COL3A1: variants seen among roughly 807,000 people sequenced by gnomAD.
COL3A1 encodes the protein collagen alpha-1(III) chain.
A neutral mutation model predicts 200.9 loss-of-function variants in COL3A1; 46 were observed. That is an observed-to-expected ratio of 0.23 (90% CI 0.18 to 0.29). COL3A1 has a LOEUF of 0.29. Among genes scored for constraint, COL3A1 ranks in the 10% least tolerant of loss-of-function variants. The pLI is 1.00. For synonymous variants in COL3A1, 650 were observed against 628.0 expected, an observed-to-expected ratio of 1.03 and a Z score of -0.52; for missense variants, 1,367 against 1,917.6, an observed-to-expected ratio of 0.71 and a Z score of 5.36.
chr2:188,988,160 T>A (rs1688102850), intron 6 of COL3A1, 26 bp downstream of exon 6: 2 of 1,594,812 alleles, frequency 1.3e-6, no homozygotes, highest in Non-Finnish European at 8.6e-7. Flanking sequence ...GGTGGTGTTT[T>A]CTTCCTCATT....
In COL3A1 at chr2:188,994,395, T is replaced by A. The variant is rs1427317008; in HGVS notation, c.1293+63T>A. Reference sequence around the variant, plus strand: ...ATAGTTTAATTCCATCAACAAAAAATTAATAGCAAAATTTTGCTCCTGTTC... The same window carrying A: ...ATAGTTTAATTCCATCAACAAAAAAATAATAGCAAAATTTTGCTCCTGTTC... On this transcript the variant is annotated intron_variant, in intron 18 of 50. Coordinates refer to ENST00000304636, the MANE Select transcript of COL3A1 (RefSeq NM_000090.4). This position sits in a 1 kb window ranked among gnomAD's most constrained non-coding sequence, Gnocchi z 4.5. The A allele has an allele frequency of 4.4e-6, 7 of 1,603,236 alleles. No homozygotes were observed. In the Middle Eastern group the frequency reaches 5.2e-4, roughly 119 times the overall value.
At chr2:188,993,532 TC>T in intron 16 of COL3A1, 73 bp downstream of exon 16, 1 of 1,243,588 alleles carries the variant, frequency 8.0e-7, no homozygotes, top group African/African-American at 1.6e-5. Flanking sequence ...TCATGCTTAC[TC>T]CATGAAAGCA....
chr2:188,999,354 G>A lies in COL3A1; in HGVS notation c.2092G>A (p.Ala698Thr), dbSNP rs1800255. 0.25 allele frequency: 392,959 copies of A among 1,598,508 alleles called. 49,266 individuals are homozygous for A. Among genetic ancestry groups the A allele is most frequent in the Middle Eastern group, 0.33 (1,992 of 6,034 alleles). Residue 698 changes from alanine to threonine, a missense_variant, in exon 30 of 51, where the codon GCT becomes ACT. Around this residue, in one of 5 missense-constraint regions of COL3A1, gnomAD observed 846 missense variants for 1,147.9 expected, o/e 0.74. Transcript: ENST00000304636. ...LAGAPGLRGGAGPPGPEGGKG... is the reference protein window; with the variant it reads ...LAGAPGLRGGTGPPGPEGGKG... Reference sequence around the variant, plus strand: ...AGGGGCCCCAGGACTTAGAGGTGGAGCTGGTCCCCCTGGTCCCGAAGGAGG... The same window carrying A: ...AGGGGCCCCAGGACTTAGAGGTGGAACTGGTCCCCCTGGTCCCGAAGGAGG...
In COL3A1 at chr2:188,997,684, CATT is replaced by C. The variant is rs1312775368; in HGVS notation, c.1870-13_1870-11del. The stretch of plus-strand genomic sequence containing the variant: ...AAAGGATGTTTACAACAGAGTGTAT[CATT>C]ATACTTTTCTAGGGGCCTGGTGGTG... On this transcript the variant is annotated splice_polypyrimidine_tract_variant and intron_variant, in intron 26 of 50. Transcript: ENST00000304636. The C allele has an allele frequency of 1.2e-6, 2 of 1,610,586 alleles. No individual in the cohort carries two copies. Among genetic ancestry groups the C allele is most frequent in the Non-Finnish European group, 1.7e-6 (2 of 1,177,004 alleles).
At chr2:188,999,189 A>T in intron 29 of COL3A1, 96 bp from the exon 30 acceptor site, 1 of 1,140,464 alleles carries the variant, frequency 8.8e-7, no homozygotes, top group Non-Finnish European at 1.3e-6. Context: ...TCACAATATA[A>T]TAACCTAGTG....
intron 41 of COL3A1, 98 bp from the exon 42 acceptor site, chr2:189,006,107 AC>A (rs1249399561): frequency 5.5e-6 from 7 of 1,279,016 alleles, no homozygotes; most frequent in Non-Finnish European, 6.7e-6. Context: ...ACCAATTTTA[AC>A]CCCCTTGAGA....
At chr2:189,003,869 T>C (rs1230222602) in intron 38 of COL3A1, 82 bp downstream of exon 38, 2 of 1,577,320 alleles carry the variant, frequency 1.3e-6, no homozygotes, top group Non-Finnish European at 1.7e-6. Flanking sequence ...ACTTACACAT[T>C]GCTACTTATT....
chr2:189,008,272 G>T (rs1038771790), intron 47 of COL3A1, 130 bp downstream of exon 47: 2 of 781,434 alleles, frequency 2.6e-6, no homozygotes, highest in Non-Finnish European at 4.4e-6. Flanking sequence ...ACTGAACAAT[G>T]ACTTTAAGAC....
In COL3A1 at chr2:189,005,412, G is replaced by C; in HGVS notation, c.2994G>C (p.Gln998His). ...GAGAACGTGGTCCCCCTGGACCCCA[G>C]GGTCTTCCTGGTCTGGCTGGTACAG... ...LSGERGPPGPQGLPGLAGTAG... is the reference protein window; with the variant it reads ...LSGERGPPGPHGLPGLAGTAG... The change falls in exon 41 of 51, where the codon CAG becomes CAC. Residue 998 changes from glutamine (Q) to histidine (H), a missense_variant. By Grantham distance (24) the Gln-to-His change is conservative. This residue lies in a region of COL3A1 where 846 missense variants were observed against 1,147.9 expected (regional missense o/e 0.74). Coordinates refer to ENST00000304636, the MANE Select transcript of COL3A1 (RefSeq NM_000090.4). The C allele has an allele frequency of 6.2e-7, 1 of 1,614,102 alleles. No homozygotes were observed. The highest frequency in any genetic ancestry group is 2.2e-5 in the East Asian group (1 of 44,870).
In COL3A1 at chr2:189,005,364, A is replaced by C; in HGVS notation, c.2946A>C (p.Lys982Asn). 1 of 1,614,000 alleles carries C rather than the reference A, an allele frequency of 6.2e-7. No homozygotes were observed. The highest frequency in any genetic ancestry group is 8.5e-7 in the Non-Finnish European group (1 of 1,179,906). The change falls in exon 41 of 51, where the codon AAA (lysine) becomes AAC (asparagine). Residue 982 changes from lysine (K) to asparagine (N), a missense_variant. Physicochemically the swap from Lys to Asn is moderately conservative, Grantham distance 94. Transcript: ENST00000304636. Reference protein sequence around the residue: ...GPQGVKGESGKPGANGLSGER... With the variant: ...GPQGVKGESGNPGANGLSGER... ...TTTGTATACAGGGTGAAAGTGGGAAACCAGGAGCTAACGGTCTCAGTGGAG... is the reference window on the plus strand; with the variant it reads ...TTTGTATACAGGGTGAAAGTGGGAACCCAGGAGCTAACGGTCTCAGTGGAG...
At chr2:188,992,357 C>G in intron 14 of COL3A1, 129 bp downstream of exon 14, 2 of 787,090 alleles carry the variant, frequency 2.5e-6, no homozygotes, top group Non-Finnish European at 4.1e-6. Context: ...CTAATATACA[C>G]ATTAGCATCT....
chr2:188,986,612 T>C (rs979890265), intron 4 of COL3A1, among the ~76,000 whole-genome samples: 1 of 152,000 alleles, frequency 6.6e-6, no homozygotes, highest in Admixed American at 6.6e-5. Context: ...TTAACCAGAA[T>C]CCAGGGGATA....
At position 188,993,412 on chromosome 2, in the gene COL3A1, AGAG is replaced by A. The variant is rs587779686; in HGVS notation, c.1106_1108del (p.Gly369del). 6.4e-7 allele frequency: 1 copy of A among 1,566,894 alleles called. No homozygotes were observed. Among genetic ancestry groups the A allele is most frequent in the Non-Finnish European group, 8.7e-7 (1 of 1,154,666 alleles). ...TGGTTCAAATGGTGCCCCTGGACAA[AGAG>A]GAGAACCTGGACCTCAGGGACACGC... On this transcript the variant is annotated inframe_deletion, in exon 16 of 51. Transcript: ENST00000304636.
At chr2:188,986,457 T>C (rs1386614458) in intron 4 of COL3A1, among the ~76,000 whole-genome samples, 3 of 152,058 alleles carry the variant, frequency 2.0e-5, no homozygotes, top group African/African-American at 7.2e-5. Context: ...CTTATTCTAG[T>C]AACCAAACAG....
At chr2:188,997,518 A>T in intron 26 of COL3A1, 129 bp downstream of exon 26, 2 of 1,190,052 alleles carry the variant, frequency 1.7e-6, no homozygotes, top group Non-Finnish European at 1.2e-6. Flanking sequence ...AAACTTGCTG[A>T]CCTAGTTATC....
chr2:188,996,849 C>A (rs925146889), intron 24 of COL3A1, among the ~76,000 whole-genome samples: 8 of 151,986 alleles, frequency 5.3e-5, no homozygotes, highest in Admixed American at 2.6e-4. Flanking sequence ...ATTAGCCAGG[C>A]ATGGTGGCAT....
rs766679348 is a variant in COL3A1 at position 188,996,450 on chromosome 2, G to A, written c.1715G>A (p.Arg572Gln). The A allele has an allele frequency of 3.7e-6, 6 of 1,613,718 alleles. No homozygotes were observed. Among genetic ancestry groups the A allele is most frequent in the African/African-American group, 2.7e-5 (2 of 74,838 alleles). The change falls in exon 24 of 51, where the codon CGA (arginine) becomes CAA (glutamine). Residue 572 changes from arginine (R) to glutamine (Q), a missense_variant. By Grantham distance (43) the Arg-to-Gln change is conservative. Around this residue, in one of 5 missense-constraint regions of COL3A1, gnomAD observed 462 missense variants for 681.4 expected, o/e 0.68. Transcript: ENST00000304636. Reference protein sequence around the residue: ...RPGPPGPSGPRGQPGVMGFPG... With the variant: ...RPGPPGPSGPQGQPGVMGFPG... Reference sequence around the variant, plus strand: ...GGTCCTCCTGGGCCATCTGGTCCCCGAGGTCAGCCTGGTGTCATGGGCTTC... The same window carrying A: ...GGTCCTCCTGGGCCATCTGGTCCCCAAGGTCAGCCTGGTGTCATGGGCTTC...
rs1332613006 is a variant in COL3A1, at chr2:189,001,579, G to T, written c.2381G>T (p.Arg794Leu). 2 of 1,613,966 alleles carry T rather than the reference G, an allele frequency of 1.2e-6. No individual in the cohort carries two copies. The highest frequency in any genetic ancestry group is 1.7e-6 in the Non-Finnish European group (2 of 1,179,988). The change falls in exon 34 of 51, where the codon CGT (arginine) becomes CTT (leucine). Residue 794 changes from arginine to leucine, a missense_variant. By Grantham distance (102) the Arg-to-Leu change is moderately radical. Around this residue, in one of 5 missense-constraint regions of COL3A1, gnomAD observed 846 missense variants for 1,147.9 expected, o/e 0.74. Transcript: ENST00000304636. The part of the protein sequence containing the change: ...APGLPGIAGP[R>L]GSPGERGETG... ...GGACTTCCAGGTATAGCTGGACCTC[G>T]TGGTAGCCCTGTAAGTGTTAAAGAC...
At chr2:189,010,534 T>A (rs1490286950) in intron 49 of COL3A1, 114 bp from the exon 50 acceptor site, 3 of 1,507,704 alleles carry the variant, frequency 2.0e-6, no homozygotes, top group Non-Finnish European at 2.8e-6. Flanking sequence ...AAAATACTCG[T>A]ACATAAAATA....
Sources: allele counts gnomAD v4.1 joint callset (sites outside exome capture counted in the v4.1 genomes callset), GRCh38; gene constraint gnomAD v4.1.1; regional missense constraint gnomAD v4.1.1; non-coding constraint Gnocchi (gnomAD v3.1); transcripts MANE v1.5; gene names NCBI Gene and HGNC (gene_info 2026-07-23, HGNC 2026-07-21).